The following ADK variants were observed in gnomAD, a reference collection of about 807,000 sequenced individuals.
ADK encodes adenosine kinase, also known as N6,N6-dimethyladenosine kinase.
ADK carries 24 observed loss-of-function variants against 44.7 expected under a neutral mutation model. The ratio of observed to expected loss-of-function variants is 0.54; its 90% confidence interval spans 0.39 to 0.76. ADK has a LOEUF of 0.76. Ranked by LOEUF, ADK falls within the 30% of genes least tolerant of loss-of-function variation. The probability of loss-of-function intolerance (pLI) is 0.00; values close to 1 mark genes in which losing one functional copy is unlikely to be tolerated. For missense variants in ADK, 321 were observed against 425.1 expected (o/e 0.76, Z 2.15); for synonymous variants, 128 against 142.6 (o/e 0.90, Z 0.73).
intron 9 of ADK, among the ~76,000 whole-genome samples, chr10:74,651,915 A>G (rs766793343): frequency 3.3e-5 from 5 of 152,236 alleles, no homozygotes; most frequent in Non-Finnish European, 7.3e-5. Context: ...CATATACTGT[A>G]TGATTACATT....
chr10:74,414,061 A>G (rs895178565), intron 6 of ADK, among the ~76,000 whole-genome samples: 3 of 152,202 alleles, frequency 2.0e-5, no homozygotes, highest in African/African-American at 7.2e-5. Context: ...TACAATAATA[A>G]TATCATAGAT....
At chr10:74,226,497 G>A (rs764420937) in intron 3 of ADK, among the ~76,000 whole-genome samples, 1 of 152,110 alleles carries the variant, frequency 6.6e-6, no homozygotes, top group East Asian at 1.9e-4. Context: ...ACATATTACT[G>A]CACTTGTTTT....
intron 4 of ADK, among the ~76,000 whole-genome samples, chr10:74,355,912 G>T (rs977460190): frequency 2.7e-5 from 4 of 150,566 alleles, no homozygotes; most frequent in African/African-American, 9.7e-5. Flanking sequence ...ATCAATCCAC[G>T]GTAAGAAACA....
In ADK at chr10:74,181,156, C is replaced by T. The variant is rs141445180; in HGVS notation, c.66-19608C>T. Among the ~76,000 whole-genome samples, 348 of 152,184 alleles carry T rather than the reference C, an allele frequency of 2.3e-3. 1 individual carries two copies. The highest frequency in any genetic ancestry group is 7.9e-3 in the African/African-American group (326 of 41,528). ...AGTTCACACAGTTACATATCTTGAACTAGATATGAGATCTCTAGATACCTT... is the reference window on the plus strand; with the variant it reads ...AGTTCACACAGTTACATATCTTGAATTAGATATGAGATCTCTAGATACCTT... On this transcript the variant is annotated intron_variant, in intron 1 of 10. Transcript: ENST00000539909.
intron 6 of ADK, among the ~76,000 whole-genome samples, chr10:74,501,539 A>C (rs1207791540): frequency 6.6e-6 from 1 of 152,164 alleles, no homozygotes; most frequent in African/African-American, 2.4e-5. Context: ...TGCACCTTTG[A>C]TGTGTACATG....
chr10:74,536,063 T>A (rs1168535000), intron 7 of ADK, among the ~76,000 whole-genome samples: 6 of 152,302 alleles, frequency 3.9e-5, no homozygotes, highest in Middle Eastern at 3.4e-3. Context: ...TACTAGATAA[T>A]CTTTTAAATT....
rs1003679671 is a variant in ADK, at chr10:74,427,399, C to T, written c.555+28820C>T. Among the ~76,000 whole-genome samples the T allele has an allele frequency of 3.2e-4, 48 of 152,168 alleles. 1 individual carries two copies. Among genetic ancestry groups the T allele is most frequent in the Middle Eastern group, 6.8e-3 (2 of 294 alleles). The stretch of plus-strand genomic sequence containing the variant: ...ATTTTTAGTAGAGACGGGGTTTCAC[C>T]GTGTTAGCCAGGATGGTCTCGATCT... On this transcript the variant is annotated intron_variant, in intron 6 of 10. Transcript: ENST00000539909.
chr10:74,379,035 G>A (rs901733168), intron 4 of ADK, among the ~76,000 whole-genome samples: 1 of 152,112 alleles, frequency 6.6e-6, no homozygotes, highest in African/African-American at 2.4e-5. Flanking sequence ...GAGTTAGAGA[G>A]GCAATGAGAG....
At chr10:74,586,351 T>G (rs1851525385) in intron 7 of ADK, among the ~76,000 whole-genome samples, 1 of 152,116 alleles carries the variant, frequency 6.6e-6, no homozygotes, top group South Asian at 2.1e-4. Context: ...CAAACCTGTG[T>G]GAGGGGGCAC....
chr10:74,280,602 T>C (rs565792789), intron 3 of ADK, among the ~76,000 whole-genome samples: 29 of 152,316 alleles, frequency 1.9e-4, no homozygotes, highest in East Asian at 1.2e-3. Flanking sequence ...CCATCACTTC[T>C]ATTTGTAGAG....
intron 2 of ADK, among the ~76,000 whole-genome samples, chr10:74,210,330 G>GAAAAAAAAAAAAAAAAAAAAAAAAAAA (rs57852507): frequency 1.2e-5 from 1 of 84,922 alleles, no homozygotes; most frequent in Non-Finnish European, 2.2e-5. Flanking sequence ...TCCATCTCAG[G>GAAAAAAAAAAAAAAAAAAAAAAAAAAA]AAAAAAAAAA....
intron 3 of ADK, among the ~76,000 whole-genome samples, chr10:74,299,321 C>T (rs1243125512): frequency 7.6e-6 from 1 of 132,274 alleles, no homozygotes; most frequent in Non-Finnish European, 1.7e-5. Flanking sequence ...TGGTGAAACC[C>T]CATCTCTACT....
At chr10:74,708,227 G>A in intron 10 of ADK, 94 bp from the exon 11 acceptor site, 2 of 1,351,506 alleles carry the variant, frequency 1.5e-6, no homozygotes, top group South Asian at 2.3e-5. Flanking sequence ...TGAAGAATGA[G>A]ACAGGTGCTT....
At chr10:74,590,328 A>C (rs1851673250) in intron 8 of ADK, among the ~76,000 whole-genome samples, 1 of 152,196 alleles carries the variant, frequency 6.6e-6, no homozygotes, top group South Asian at 2.1e-4. Context: ...GTGATTGAAT[A>C]GTATCAGTAA....
At chr10:74,403,278 C>T (rs1394196804) in intron 6 of ADK, among the ~76,000 whole-genome samples, 1 of 152,176 alleles carries the variant, frequency 6.6e-6, no homozygotes, top group African/African-American at 2.4e-5. Flanking sequence ...AGCTGTCAGA[C>T]AGGGACATTT....
chr10:74,206,051 T>C (rs1449803845), intron 2 of ADK, among the ~76,000 whole-genome samples: 1 of 152,174 alleles, frequency 6.6e-6, no homozygotes, highest in Non-Finnish European at 1.5e-5. Flanking sequence ...TTAGATCTCT[T>C]TTGTTTGTGT....
intron 3 of ADK, among the ~76,000 whole-genome samples, chr10:74,238,241 A>G (rs1845049771): frequency 6.6e-6 from 1 of 152,120 alleles, no homozygotes; most frequent in Admixed American, 6.5e-5. Flanking sequence ...ACATTCCTAA[A>G]CCAGTTACTG....
At chr10:74,314,236 T>A (rs1037125382) in intron 3 of ADK, among the ~76,000 whole-genome samples, 1 of 152,092 alleles carries the variant, frequency 6.6e-6, no homozygotes, top group African/African-American at 2.4e-5. Flanking sequence ...TAAGTGAAAT[T>A]TTGTTTAGTT....
At chr10:74,523,152 G>T (rs1848906388) in intron 6 of ADK, among the ~76,000 whole-genome samples, 1 of 152,082 alleles carries the variant, frequency 6.6e-6, no homozygotes, top group Non-Finnish European at 1.5e-5. Flanking sequence ...CACCTCATAG[G>T]TTTGATGTAA....
Sources: gnomAD v4.1 joint callset for allele counts (sites outside exome capture counted in the v4.1 genomes callset) on GRCh38, gnomAD v4.1.1 for gene constraint, MANE v1.5 for transcripts, NCBI Gene and HGNC (gene_info 2026-07-23, HGNC 2026-07-21) for gene names.